EYA1: variants seen among roughly 807,000 people sequenced by gnomAD.
The protein encoded by EYA1 is protein phosphatase EYA1.
A neutral mutation model predicts 82.0 loss-of-function variants in EYA1; 16 were observed. The observed-to-expected ratio is 0.20, with a 90% confidence interval of 0.13 to 0.30. The LOEUF is 0.30. EYA1 is among the 10% of genes least tolerant of loss of function. The pLI, the probability that EYA1 is intolerant of heterozygous loss-of-function variation, is 1.00. For missense variants in EYA1, 633 were observed against 730.7 expected, an observed-to-expected ratio of 0.87 and a Z score of 1.54; for synonymous variants, 261 against 264.4, an observed-to-expected ratio of 0.99 and a Z score of 0.12.
upstream of EYA1, among the ~76,000 whole-genome samples, chr8:71,363,884 GA>G (rs958047370): frequency 1.3e-5 from 2 of 151,990 alleles, no homozygotes; most frequent in Non-Finnish European, 2.9e-5. Flanking sequence ...AGACATAAGA[GA>G]GTAAGAAATT....
rs540482905 is a variant in EYA1, at chr8:71,273,170, C to T, written c.827-1273G>A. ...TTTAACCTTAAAACCTAAATAGATT[C>T]CTATTACTTATAGAAAACAAGCAAG... On this transcript the variant is annotated intron_variant, in intron 9 of 17. Coordinates refer to ENST00000340726, the MANE Select transcript of EYA1 (RefSeq NM_000503.6). Among the ~76,000 whole-genome samples the T allele has an allele frequency of 1.1e-3, 163 of 152,274 alleles. 2 individuals are homozygous for T. Among genetic ancestry groups the T allele is most frequent in the African/African-American group, 3.8e-3 (160 of 41,564 alleles).
chr8:71,230,191 C>G (rs1042543299), intron 12 of EYA1, among the ~76,000 whole-genome samples: 2 of 152,116 alleles, frequency 1.3e-5, no homozygotes, highest in African/African-American at 4.8e-5. Context: ...AAAAAAAGGT[C>G]TAAGGGCACC....
rs145807685 is a variant in EYA1, at chr8:71,339,540, C to T, written c.125-5366G>A. The stretch of plus-strand genomic sequence containing the variant: ...TTCCTTACGCTCCCGAGACATACCT[C>T]ATCCCTCACCATCTTTGGCCCTTCC... On this transcript the variant is annotated intron_variant, in intron 3 of 17. Transcript: ENST00000340726. 2.0e-5 allele frequency among the ~76,000 whole-genome samples: 3 copies of T among 152,248 alleles called. No individual in the cohort carries two copies. In the East Asian group the frequency reaches 5.8e-4, roughly 29 times the overall value.
intron 4 of EYA1, among the ~76,000 whole-genome samples, chr8:71,325,060 T>G (rs1823000949): frequency 1.3e-5 from 2 of 152,232 alleles, no homozygotes; most frequent in South Asian, 4.1e-4. Flanking sequence ...CATTCGACAG[T>G]GCACATTATC....
At chr8:71,304,441 A>G (rs2129006865) in intron 7 of EYA1, among the ~76,000 whole-genome samples, 1 of 142,564 alleles carries the variant, frequency 7.0e-6, no homozygotes, top group East Asian at 2.1e-4. Flanking sequence ...CTTTTTTATG[A>G]CCATTTCCAA....
chr8:71,538,866 T>G lies in EYA1; in HGVS notation c.-72-3018A>C, dbSNP rs575605945. Among the ~76,000 whole-genome samples the G allele has an allele frequency of 3.6e-3, 543 of 152,194 alleles. 3 individuals carry two copies. The highest frequency in any genetic ancestry group is 6.0e-3 in the Non-Finnish European group (411 of 67,990). ...TGTCAGAGGTGTCCCTACAGACAGG[T>G]GCCATAAGTGTGGTGGCCATTACCA... On this transcript the variant is annotated intron_variant, in intron 1 of 18. Coordinates refer to the EYA1 transcript ENST00000643681.
At chr8:71,414,175 G>C (rs1249287361) in intron 2 of EYA1, among the ~76,000 whole-genome samples, 1 of 152,200 alleles carries the variant, frequency 6.6e-6, no homozygotes, top group Admixed American at 6.5e-5. Context: ...GATTCTGGCT[G>C]TCCCAGAAAG....
At chr8:71,316,274 T>G (rs1821916666) in intron 7 of EYA1, among the ~76,000 whole-genome samples, 1 of 152,138 alleles carries the variant, frequency 6.6e-6, no homozygotes, top group Admixed American at 6.5e-5. Context: ...AATTCTATAC[T>G]TAAACTTATT....
intron 12 of EYA1, among the ~76,000 whole-genome samples, chr8:71,228,714 T>G (rs1460235800): frequency 6.6e-6 from 1 of 152,210 alleles, no homozygotes; most frequent in East Asian, 1.9e-4. Flanking sequence ...TAATAAGGAC[T>G]GAACACCTAT....
intron 11 of EYA1, among the ~76,000 whole-genome samples, chr8:71,260,254 T>A (rs1814936798): frequency 6.6e-6 from 1 of 152,216 alleles, no homozygotes; most frequent in Non-Finnish European, 1.5e-5. Context: ...AGTCAACATT[T>A]AAGAACTATT....
At chr8:71,253,216 A>G (rs1813963375) in intron 11 of EYA1, among the ~76,000 whole-genome samples, 1 of 152,166 alleles carries the variant, frequency 6.6e-6, no homozygotes, top group African/African-American at 2.4e-5. Context: ...CCATAATACT[A>G]AAGAGAAGTA....
At chr8:71,298,982 G>A (rs920534189) in intron 9 of EYA1, 65 bp downstream of exon 9, 2 of 1,523,486 alleles carry the variant, frequency 1.3e-6, no homozygotes, top group Non-Finnish European at 1.8e-6. Context: ...ATATATGACT[G>A]TAGAAAAATG....
At chr8:71,507,265 C>G (rs946831197) in intron 2 of EYA1, among the ~76,000 whole-genome samples, 4 of 152,164 alleles carry the variant, frequency 2.6e-5, no homozygotes, top group Admixed American at 6.6e-5. Flanking sequence ...GTAAGTGTTA[C>G]AGCCTAAATT....
chr8:71,405,729 G>A (rs1013988261), intron 2 of EYA1, among the ~76,000 whole-genome samples: 2 of 151,960 alleles, frequency 1.3e-5, no homozygotes, highest in African/African-American at 4.8e-5. Context: ...GTGCTTTTCC[G>A]TTGTTATTTG....
At chr8:71,252,242 C>T (rs1001988130) in intron 11 of EYA1, among the ~76,000 whole-genome samples, 1 of 151,830 alleles carries the variant, frequency 6.6e-6, no homozygotes, top group African/African-American at 2.4e-5. Context: ...GTTGTTTTTG[C>T]AGGGCTAAGT....
At chr8:71,475,470 G>T (rs1809587840) in intron 2 of EYA1, among the ~76,000 whole-genome samples, 1 of 151,976 alleles carries the variant, frequency 6.6e-6, no homozygotes, top group Non-Finnish European at 1.5e-5. Context: ...TTTTAACTAG[G>T]CAAATTCTGC....
chr8:71,380,633 T>G (rs1231622621), intron 2 of EYA1, among the ~76,000 whole-genome samples: 1 of 152,224 alleles, frequency 6.6e-6, no homozygotes, highest in Middle Eastern at 3.2e-3. Flanking sequence ...TTTCAAAGTT[T>G]AACTTAGCAT....
At chr8:71,414,467 G>A (rs149643433) in intron 2 of EYA1, among the ~76,000 whole-genome samples, 11 of 152,238 alleles carry the variant, frequency 7.2e-5, no homozygotes, top group East Asian at 5.8e-4. Flanking sequence ...CAAGGTTTAC[G>A]GCCTTTCTAC....
intron 2 of EYA1, among the ~76,000 whole-genome samples, chr8:71,477,846 C>T (rs1415547320): frequency 6.6e-6 from 1 of 152,006 alleles, no homozygotes; most frequent in East Asian, 1.9e-4. Context: ...AGCTGATAAA[C>T]AGAAAAATAA....
Sources: gnomAD v4.1 joint callset for allele counts (sites outside exome capture counted in the v4.1 genomes callset) on GRCh38, gnomAD v4.1.1 for gene constraint, MANE v1.5 for transcripts, NCBI Gene and HGNC (gene_info 2026-07-23, HGNC 2026-07-21) for gene names.